Variants in PTPRT observed in about 807,000 individuals in gnomAD.
The protein encoded by PTPRT is protein tyrosine phosphatase receptor type T.
A neutral mutation model predicts 176.8 loss-of-function variants in PTPRT; 56 were observed. The ratio of observed to expected loss-of-function variants is 0.32; its 90% confidence interval spans 0.26 to 0.40. PTPRT has a LOEUF of 0.40. Ranked by LOEUF, PTPRT falls within the 10% of genes least tolerant of loss-of-function variation. The pLI is 1.00. For synonymous variants in PTPRT, 783 were observed against 739.0 expected, an observed-to-expected ratio of 1.06 and a Z score of -0.96; for missense variants, 1,540 against 1,908.2, an observed-to-expected ratio of 0.81 and a Z score of 3.60.
intron 1 of PTPRT, among the ~76,000 whole-genome samples, chr20:42,985,224 T>C (rs1322628997): frequency 6.6e-6 from 1 of 152,068 alleles, no homozygotes; most frequent in Non-Finnish European, 1.5e-5. Context: ...CCGCCGGGTG[T>C]GGTGGCTCAC....
intron 15 of PTPRT, among the ~76,000 whole-genome samples, chr20:42,203,532 C>A (rs768510641): frequency 6.6e-6 from 1 of 152,186 alleles, no homozygotes; most frequent in Non-Finnish European, 1.5e-5. Flanking sequence ...CTGGTCACCT[C>A]CTCTTTGTCC....
At chr20:42,710,613 C>T (rs1479124919) in intron 6 of PTPRT, among the ~76,000 whole-genome samples, 1 of 152,248 alleles carries the variant, frequency 6.6e-6, no homozygotes, top group African/African-American at 2.4e-5. Flanking sequence ...GCACTCTGGC[C>T]TGCCACAAGG....
intron 11 of PTPRT, among the ~76,000 whole-genome samples, chr20:42,331,941 G>A (rs554429432): frequency 6.6e-6 from 1 of 152,012 alleles, no homozygotes; most frequent in East Asian, 1.9e-4. Flanking sequence ...TGGAAAGGTA[G>A]GCAATACTGC....
chr20:42,981,215 A>T (rs1301050239), intron 1 of PTPRT, among the ~76,000 whole-genome samples: 14 of 152,196 alleles, frequency 9.2e-5, no homozygotes, highest in Admixed American at 9.2e-4. Flanking sequence ...AACTGTGTAA[A>T]TGTACCTCCT....
At chr20:42,271,286 C>T (rs887287643) in intron 13 of PTPRT, among the ~76,000 whole-genome samples, 3 of 152,162 alleles carry the variant, frequency 2.0e-5, no homozygotes, top group South Asian at 4.1e-4. Flanking sequence ...AGGTGAGTCA[C>T]TTTGCATGGG....
At chr20:42,157,295 C>A (rs1173663887) in intron 17 of PTPRT, among the ~76,000 whole-genome samples, 1 of 151,850 alleles carries the variant, frequency 6.6e-6, no homozygotes, top group Admixed American at 6.6e-5. Flanking sequence ...TCTATTCTTT[C>A]TTTTTCCATG....
At chr20:42,524,864 A>G (rs2072241478) in intron 7 of PTPRT, among the ~76,000 whole-genome samples, 1 of 151,972 alleles carries the variant, frequency 6.6e-6, no homozygotes, top group African/African-American at 2.4e-5. Flanking sequence ...CCAATTCATT[A>G]ATTCTCTTCT....
intron 7 of PTPRT, among the ~76,000 whole-genome samples, chr20:42,645,764 A>ATGTGTGTGTGTG (rs59454108): frequency 0.013 from 1,831 of 139,510 alleles, 46 homozygotes; most frequent in African/African-American, 0.045. Context: ...ATGTGTATTT[A>ATGTGTGTGTGTG]TGTGTGTGTG....
chr20:42,135,985 G>A (rs1244965051), intron 18 of PTPRT, among the ~76,000 whole-genome samples: 2 of 151,886 alleles, frequency 1.3e-5, no homozygotes, highest in African/African-American at 2.4e-5. Context: ...TCCCACTAAG[G>A]TCTCATGGCC....
At chr20:42,254,941 T>C (rs1304887021) in intron 13 of PTPRT, among the ~76,000 whole-genome samples, 1 of 152,150 alleles carries the variant, frequency 6.6e-6, no homozygotes, top group East Asian at 1.9e-4. Flanking sequence ...ATACTCTTGG[T>C]GAGAGAAATT....
the PTPRT span, among the ~76,000 whole-genome samples, chr20:42,044,204 G>C: frequency 2.0e-5 from 3 of 152,256 alleles, no homozygotes; most frequent in African/African-American, 7.2e-5. Context: ...GCCTCCTCCA[G>C]TTGGACTCTG....
chr20:42,904,867 T>C (rs1473049743), intron 1 of PTPRT, among the ~76,000 whole-genome samples: 1 of 152,170 alleles, frequency 6.6e-6, no homozygotes, highest in East Asian at 1.9e-4. Flanking sequence ...TAGCCATATG[T>C]AGAAAGCTGA....
chr20:42,738,073 G>T (rs930868742), intron 6 of PTPRT, among the ~76,000 whole-genome samples: 2 of 152,126 alleles, frequency 1.3e-5, no homozygotes, highest in Non-Finnish European at 2.9e-5. Context: ...GCTTACAGAA[G>T]TGTAGGTGCA....
At chr20:42,124,855 C>T (rs1193342358) in intron 19 of PTPRT, among the ~76,000 whole-genome samples, 1 of 152,218 alleles carries the variant, frequency 6.6e-6, no homozygotes, top group Non-Finnish European at 1.5e-5. Context: ...CTTTGTCCCT[C>T]CATTTCCCCT....
chr20:42,659,567 C>A (rs2075186522), intron 7 of PTPRT, among the ~76,000 whole-genome samples: 2 of 152,182 alleles, frequency 1.3e-5, no homozygotes, highest in Non-Finnish European at 2.9e-5. Context: ...TCTTTCCCAG[C>A]CTGTGGGAGG....
At chr20:42,791,595 C>G (rs1456088521) in intron 2 of PTPRT, 129 bp from the exon 3 acceptor site, 22 of 996,546 alleles carry the variant, frequency 2.2e-5, no homozygotes, top group Non-Finnish European at 3.1e-5. Flanking sequence ...CTAGAAGGGT[C>G]TGGGTGACCC....
At chr20:42,553,537 A>G (rs2072805284) in intron 7 of PTPRT, among the ~76,000 whole-genome samples, 1 of 151,068 alleles carries the variant, frequency 6.6e-6, no homozygotes, top group Admixed American at 6.6e-5. Context: ...TCTTATATCC[A>G]TGTTTACTTC....
At chr20:42,469,357 C>A (rs2071154897) in intron 8 of PTPRT, among the ~76,000 whole-genome samples, 1 of 152,114 alleles carries the variant, frequency 6.6e-6, no homozygotes. Context: ...GCATGTGCCA[C>A]CATGCCCAGC....
At position 42,080,941 on chromosome 20, in the gene PTPRT, C is replaced by A. The variant is rs189670814; in HGVS notation, c.4273-9G>T. The stretch of plus-strand genomic sequence containing the variant: ...ACAAATTTATACTGTTCCTGAGAGG[C>A]GGAGAGGAGCAGAGGCAGAGAGGGA... On this transcript the variant is annotated splice_polypyrimidine_tract_variant and intron_variant, in intron 30 of 30. Coordinates refer to ENST00000373187, the MANE Select transcript of PTPRT (RefSeq NM_007050.6). 4.4e-6 allele frequency: 7 copies of A among 1,589,990 alleles called. No individual in the cohort carries two copies. The highest frequency in any genetic ancestry group is 2.2e-5 in the East Asian group (1 of 44,678).
Sources: gnomAD v4.1 joint callset for allele counts (sites outside exome capture counted in the v4.1 genomes callset) on GRCh38, gnomAD v4.1.1 for gene constraint, MANE v1.5 for transcripts, NCBI Gene and HGNC (gene_info 2026-07-23, HGNC 2026-07-21) for gene names.